Variants in CMSS1 observed in about 807,000 individuals in gnomAD.
The protein encoded by CMSS1 is cms1 ribosomal small subunit homolog.
In CMSS1, 33 loss-of-function variants were observed where a neutral mutation model predicts 43.5. The ratio of observed to expected loss-of-function variants is 0.76; its 90% CI spans 0.57 to 1.01. The LOEUF is 1.01. CMSS1 is among the 50% of genes least tolerant of loss of function. CMSS1 has a pLI of 0.00. For synonymous variants in CMSS1, 115 were observed against 117.2 expected (o/e 0.98, Z 0.12); for missense variants, 313 against 326.4 (o/e 0.96, Z 0.32).
At chr3:100,042,583 C>G (rs1559736947) in intron 1 of CMSS1, among the ~76,000 whole-genome samples, 1 of 152,120 alleles carries the variant, frequency 6.6e-6, no homozygotes, top group African/African-American at 2.4e-5. Context: ...ATGTATGGTT[C>G]AGACATTGTT....
At chr3:100,135,594 T>C (rs2066747233) in intron 1 of CMSS1, among the ~76,000 whole-genome samples, 1 of 151,856 alleles carries the variant, frequency 6.6e-6, no homozygotes, top group African/African-American at 2.4e-5. Flanking sequence ...TCCTCCTGCC[T>C]CAGCCTCCCA....
At chr3:100,153,144 T>C (rs2066936040) in intron 2 of CMSS1, among the ~76,000 whole-genome samples, 1 of 152,222 alleles carries the variant, frequency 6.6e-6, no homozygotes, top group Non-Finnish European at 1.5e-5. Context: ...CCAGTCTGGA[T>C]TGAAAAAACA....
At chr3:100,072,404 A>G (rs1435316801) in intron 1 of CMSS1, among the ~76,000 whole-genome samples, 1 of 152,220 alleles carries the variant, frequency 6.6e-6, no homozygotes, top group Admixed American at 6.5e-5. Flanking sequence ...AGCTCAAGTA[A>G]CAGAGTTGTC....
intron 1 of CMSS1, among the ~76,000 whole-genome samples, chr3:99,950,103 G>A (rs940432837): frequency 6.6e-6 from 1 of 152,162 alleles, no homozygotes; most frequent in African/African-American, 2.4e-5. Context: ...GGAACCATTA[G>A]GTTAGAGAAC....
chr3:100,138,967 A>T (rs1401343781), intron 1 of CMSS1, among the ~76,000 whole-genome samples: 1 of 152,218 alleles, frequency 6.6e-6, no homozygotes, highest in Admixed American at 6.5e-5. Flanking sequence ...GATAGACTGG[A>T]TGAAGAAAAT....
At chr3:100,125,714 G>T (rs190085608) in intron 1 of CMSS1, among the ~76,000 whole-genome samples, 1 of 152,288 alleles carries the variant, frequency 6.6e-6, no homozygotes, top group East Asian at 1.9e-4. Flanking sequence ...GACTCTTCCT[G>T]TGGATGAAAG....
chr3:100,098,924 G>A (rs1337216653), intron 1 of CMSS1, among the ~76,000 whole-genome samples: 2 of 152,188 alleles, frequency 1.3e-5, no homozygotes, highest in Non-Finnish European at 2.9e-5. Context: ...CTCAATTTGG[G>A]ATTATAAATA....
At chr3:99,893,350 G>A (rs760381177) in intron 1 of CMSS1, among the ~76,000 whole-genome samples, 2 of 151,696 alleles carry the variant, frequency 1.3e-5, no homozygotes, top group Admixed American at 6.6e-5. Flanking sequence ...TATTTTTAGT[G>A]GAGACGGGGT....
intron 1 of CMSS1, among the ~76,000 whole-genome samples, chr3:99,909,850 TCA>T (rs1163044898): frequency 2.0e-5 from 3 of 152,206 alleles, no homozygotes; most frequent in Admixed American, 6.5e-5. Flanking sequence ...GTGATGAAAG[TCA>T]CAGTCTGCAA....
At chr3:99,915,559 C>A (rs760682079) in intron 1 of CMSS1, among the ~76,000 whole-genome samples, 2 of 152,056 alleles carry the variant, frequency 1.3e-5, no homozygotes, top group Non-Finnish European at 2.9e-5. Context: ...TTTCATAATA[C>A]CACCAAACTA....
At chr3:99,866,713 T>C (rs1219653160) in intron 1 of CMSS1, among the ~76,000 whole-genome samples, 1 of 152,206 alleles carries the variant, frequency 6.6e-6, no homozygotes, top group Non-Finnish European at 1.5e-5. Context: ...GCATCCTACT[T>C]CTACCTTTAC....
At chr3:99,921,421 A>C (rs1384460541) in intron 1 of CMSS1, among the ~76,000 whole-genome samples, 1 of 152,188 alleles carries the variant, frequency 6.6e-6, no homozygotes, top group East Asian at 1.9e-4. Context: ...AGCAGAAGGC[A>C]GGAAAGCATG....
chr3:100,064,385 C>G (rs1025547563), intron 1 of CMSS1, among the ~76,000 whole-genome samples: 1 of 151,932 alleles, frequency 6.6e-6, no homozygotes, highest in Non-Finnish European at 1.5e-5. Context: ...CTAATCCTGA[C>G]CCCCCCAACA....
chr3:99,819,070 A>G (rs895714242), intron 1 of CMSS1, among the ~76,000 whole-genome samples: 5 of 152,254 alleles, frequency 3.3e-5, no homozygotes, highest in African/African-American at 9.6e-5. Flanking sequence ...GCTGCAAACA[A>G]TCTTGAAATA....
chr3:100,008,206 A>G (rs145642254), intron 1 of CMSS1, among the ~76,000 whole-genome samples: 2 of 152,312 alleles, frequency 1.3e-5, no homozygotes, highest in African/African-American at 2.4e-5. Context: ...GAGCCTTTCC[A>G]TAACTTTAAG....
At chr3:99,939,132 A>G (rs569121668) in intron 1 of CMSS1, among the ~76,000 whole-genome samples, 1 of 152,358 alleles carries the variant, frequency 6.6e-6, no homozygotes, top group South Asian at 2.1e-4. Flanking sequence ...GAGAAAGTCA[A>G]AGCCACAGAG....
chr3:100,135,485 T>TGTGTGC (rs1553717027), intron 1 of CMSS1, among the ~76,000 whole-genome samples: 78 of 143,882 alleles, frequency 5.4e-4, no homozygotes, highest in African/African-American at 1.9e-3. Context: ...TGTGTGTGTG[T>TGTGTGC]GTGTGTTTAA....
intron 1 of CMSS1, among the ~76,000 whole-genome samples, chr3:99,831,522 C>T (rs1304171293): frequency 1.3e-5 from 2 of 152,200 alleles, no homozygotes; most frequent in Non-Finnish European, 2.9e-5. Context: ...TTTCTGTGAA[C>T]AACCATATTA....
intron 1 of CMSS1, among the ~76,000 whole-genome samples, chr3:99,981,122 G>A (rs963030493): frequency 1.3e-5 from 2 of 152,144 alleles, no homozygotes; most frequent in Non-Finnish European, 2.9e-5. Flanking sequence ...CACTCTGTCC[G>A]AGCATTGTGC....
Sources: allele counts gnomAD v4.1 joint callset (sites outside exome capture counted in the v4.1 genomes callset), GRCh38; gene constraint gnomAD v4.1.1; transcripts MANE v1.5; gene names NCBI Gene and HGNC (gene_info 2026-07-23, HGNC 2026-07-21).